The following LPP variants were observed in gnomAD, a reference collection of about 807,000 sequenced individuals.
LPP encodes LIM domain containing preferred translocation partner in lipoma, also known as lipoma-preferred partner.
Under a neutral mutation model 60.4 loss-of-function variants are expected in LPP, and 38 were observed. The ratio of observed to expected loss-of-function variants is 0.63; its 90% CI spans 0.49 to 0.83. The LOEUF is 0.83. Among genes scored for constraint, LPP ranks in the 40% least tolerant of loss-of-function variants. LPP has a pLI of 0.00. For missense variants in LPP, 902 were observed against 783.6 expected, an observed-to-expected ratio of 1.15 and a Z score of -1.80; for synonymous variants, 328 against 290.8, an observed-to-expected ratio of 1.13 and a Z score of -1.30.
intron 3 of LPP, among the ~76,000 whole-genome samples, chr3:188,372,829 G>T (rs955444245): frequency 6.6e-6 from 1 of 151,902 alleles, no homozygotes; most frequent in African/African-American, 2.4e-5. Context: ...TTAGCATTAG[G>T]TGTATCTCCT....
intron 3 of LPP, among the ~76,000 whole-genome samples, chr3:188,374,049 T>C (rs1232489461): frequency 6.6e-6 from 1 of 152,196 alleles, no homozygotes; most frequent in African/African-American, 2.4e-5. Flanking sequence ...AGGGCTCTGT[T>C]CTGTTCCATT....
At chr3:188,526,999 G>T (rs1194609901) in intron 6 of LPP, among the ~76,000 whole-genome samples, 1 of 152,198 alleles carries the variant, frequency 6.6e-6, no homozygotes, top group South Asian at 2.1e-4. Context: ...ATCTGGAGGG[G>T]TGAGTGGAAT....
intron 2 of LPP, among the ~76,000 whole-genome samples, chr3:188,241,048 A>G (rs1724489724): frequency 6.6e-6 from 1 of 152,224 alleles, no homozygotes; most frequent in African/African-American, 2.4e-5. Flanking sequence ...CAAGACAGTG[A>G]GAATGTCCCT....
chr3:188,714,166 T>C (rs9815758), intron 8 of LPP, among the ~76,000 whole-genome samples: 27,636 of 152,126 alleles, frequency 0.18, 3,220 homozygotes, highest in Middle Eastern at 0.36. Flanking sequence ...ACTCTTCTGA[T>C]CTCATGTCTA....
intron 6 of LPP, among the ~76,000 whole-genome samples, chr3:188,567,423 T>C (rs776077222): frequency 1.3e-5 from 2 of 151,896 alleles, no homozygotes; most frequent in East Asian, 3.9e-4. Flanking sequence ...CATCCTATGA[T>C]TGATGTGGTA....
intron 4 of LPP, among the ~76,000 whole-genome samples, chr3:188,446,662 G>T (rs1795303880): frequency 6.6e-6 from 1 of 152,090 alleles, no homozygotes; most frequent in Non-Finnish European, 1.5e-5. Context: ...TCTCTTTGTG[G>T]CATTGCTTTC....
intron 1 of LPP, among the ~76,000 whole-genome samples, chr3:188,223,272 A>AT (rs575624241): frequency 3.9e-5 from 6 of 152,256 alleles, no homozygotes; most frequent in African/African-American, 1.2e-4. Flanking sequence ...ACAATGTATA[A>AT]TTTTTTAAAG....
At chr3:188,872,320 C>G (rs571369074) in intron 10 of LPP, among the ~76,000 whole-genome samples, 1 of 152,294 alleles carries the variant, frequency 6.6e-6, no homozygotes, top group African/African-American at 2.4e-5. Flanking sequence ...GTTCTCTCCT[C>G]CAGTTAGCCT....
chr3:188,581,480 G>A (rs2150984861), intron 6 of LPP, among the ~76,000 whole-genome samples: 1 of 152,212 alleles, frequency 6.6e-6, no homozygotes, highest in Non-Finnish European at 1.5e-5. Context: ...TCTGCTTGAA[G>A]GTTAGAGACA....
intron 8 of LPP, among the ~76,000 whole-genome samples, chr3:188,731,639 A>G (rs906510766): frequency 6.6e-6 from 1 of 150,494 alleles, no homozygotes; most frequent in Non-Finnish European, 1.5e-5. Context: ...TCTCCTCCCT[A>G]AGCCTTCAGA....
chr3:188,653,656 C>T (rs1852538085), intron 7 of LPP, among the ~76,000 whole-genome samples: 1 of 152,184 alleles, frequency 6.6e-6, no homozygotes, highest in Non-Finnish European at 1.5e-5. Context: ...TTCATAGGCA[C>T]ATCTAACGCA....
At position 188,880,725 on chromosome 3, in the gene LPP, G is replaced by A. The variant is rs1769867546; in HGVS notation, c.*6246G>A. On this transcript the variant is annotated 3_prime_UTR_variant, in exon 12 of 12. Transcript: ENST00000617246. The stretch of plus-strand genomic sequence containing the variant: ...AGCCACAATCGCATTCAGTCAACTT[G>A]GCACTGAATGTAGCTTCTAAAATCA... 1 of 184,710 alleles carries A rather than the reference G, an allele frequency of 5.4e-6. No individual in the cohort carries two copies. Among genetic ancestry groups the A allele is most frequent in the Non-Finnish European group, 1.1e-5 (1 of 87,104 alleles). 11.4% of individuals were successfully genotyped at this position (184,710 alleles called of 1,614,324 possible).
chr3:188,153,043 G>A (rs1307279151), upstream of LPP: 1 of 152,136 alleles, frequency 6.6e-6, no homozygotes, highest in East Asian at 1.9e-4. Flanking sequence ...AAGTTGCCCT[G>A]AAGCAACTGA....
At chr3:188,618,783 G>A (rs1845307598) in intron 7 of LPP, among the ~76,000 whole-genome samples, 1 of 152,254 alleles carries the variant, frequency 6.6e-6, no homozygotes, top group South Asian at 2.1e-4. Context: ...GTCTTTATAA[G>A]TGTTTGGTAT....
At chr3:188,604,064 C>T (rs1354909668) in intron 6 of LPP, among the ~76,000 whole-genome samples, 2 of 152,094 alleles carry the variant, frequency 1.3e-5, no homozygotes, top group Non-Finnish European at 2.9e-5. Context: ...CCTTCTGTTA[C>T]ATTGGAAAAT....
intron 4 of LPP, among the ~76,000 whole-genome samples, chr3:188,440,183 A>G (rs1462089349): frequency 6.6e-6 from 1 of 152,188 alleles, no homozygotes; most frequent in East Asian, 1.9e-4. Flanking sequence ...CTCCTAGCAC[A>G]GTGCCAGATG....
intron 6 of LPP, among the ~76,000 whole-genome samples, chr3:188,562,907 C>A (rs1221049571): frequency 6.6e-6 from 1 of 151,978 alleles, no homozygotes; most frequent in Non-Finnish European, 1.5e-5. Flanking sequence ...AGCCATATCT[C>A]TCCAGGGAAA....
intron 2 of LPP, among the ~76,000 whole-genome samples, chr3:188,281,460 C>T (rs1742006804): frequency 6.6e-6 from 1 of 151,670 alleles, no homozygotes; most frequent in African/African-American, 2.4e-5. Context: ...AAATATTAGC[C>T]AAGCATGATG....
At chr3:188,279,031 A>G (rs1741013909) in intron 2 of LPP, among the ~76,000 whole-genome samples, 1 of 152,226 alleles carries the variant, frequency 6.6e-6, no homozygotes, top group South Asian at 2.1e-4. Flanking sequence ...GTAAATGCAC[A>G]GGGAACGTTC....
Sources: gnomAD v4.1 joint callset for allele counts (sites outside exome capture counted in the v4.1 genomes callset) on GRCh38, gnomAD v4.1.1 for gene constraint, MANE v1.5 for transcripts, NCBI Gene and HGNC (gene_info 2026-07-23, HGNC 2026-07-21) for gene names.